FRMD5: variants seen among roughly 807,000 people sequenced by gnomAD.
FRMD5 encodes the protein FERM domain-containing protein 5.
Under a neutral mutation model 69.0 loss-of-function variants are expected in FRMD5, and 20 were observed. The observed-to-expected ratio is 0.29, with a 90% confidence interval of 0.20 to 0.42. FRMD5 has a LOEUF of 0.42. Among genes scored for constraint, FRMD5 ranks in the 10% least tolerant of loss-of-function variants. FRMD5 has a pLI of 1.00. For missense variants in FRMD5, 595 were observed against 708.6 expected (o/e 0.84, Z 1.82); for synonymous variants, 271 against 260.1 (o/e 1.04, Z -0.40).
chr15:44,071,698 C>G, intron 1 of FRMD5, among the ~76,000 whole-genome samples: 1 of 152,134 alleles, frequency 6.6e-6, no homozygotes, highest in African/African-American at 2.4e-5. Context: ...GGTTAATGTA[C>G]TCTTTTCCAT....
At chr15:43,921,637 G>C (rs556126305) in intron 2 of FRMD5, among the ~76,000 whole-genome samples, 2 of 152,300 alleles carry the variant, frequency 1.3e-5, no homozygotes, top group South Asian at 4.1e-4. Flanking sequence ...AGATTCACTA[G>C]CAAACAGACA....
intron 1 of FRMD5, among the ~76,000 whole-genome samples, chr15:44,161,530 T>C (rs1304623977): frequency 1.3e-5 from 2 of 152,216 alleles, no homozygotes; most frequent in East Asian, 1.9e-4. Flanking sequence ...TGCTTAACTA[T>C]TAAGGTTATG....
intron 1 of FRMD5, among the ~76,000 whole-genome samples, chr15:44,086,415 T>C (rs1894198241): frequency 6.6e-6 from 1 of 152,224 alleles, no homozygotes; most frequent in African/African-American, 2.4e-5. Flanking sequence ...TGATACAACA[T>C]GGATGAACCT....
At chr15:44,000,136 C>G (rs1047313649) in intron 1 of FRMD5, among the ~76,000 whole-genome samples, 5 of 151,548 alleles carry the variant, frequency 3.3e-5, no homozygotes, top group African/African-American at 1.2e-4. Context: ...GGACTATAGG[C>G]ATGCACCATG....
At chr15:43,960,591 T>G (rs571241629) in intron 1 of FRMD5, among the ~76,000 whole-genome samples, 7 of 151,360 alleles carry the variant, frequency 4.6e-5, no homozygotes, top group Non-Finnish European at 8.8e-5. Flanking sequence ...TCCATGTTGG[T>G]CAGGTTCGTC....
At chr15:44,176,138 C>T (rs1027508553) in intron 1 of FRMD5, among the ~76,000 whole-genome samples, 2 of 152,082 alleles carry the variant, frequency 1.3e-5, no homozygotes, top group African/African-American at 2.4e-5. Flanking sequence ...AAACCTACTA[C>T]AAAGTTATTA....
intron 1 of FRMD5, among the ~76,000 whole-genome samples, chr15:44,147,051 G>C (rs1032676413): frequency 6.6e-6 from 1 of 152,176 alleles, no homozygotes; most frequent in African/African-American, 2.4e-5. Context: ...TTTTTGTCAT[G>C]AAATCTTTGC....
At chr15:44,171,272 C>A (rs1042574655) in intron 1 of FRMD5, among the ~76,000 whole-genome samples, 13 of 152,156 alleles carry the variant, frequency 8.5e-5, no homozygotes, top group Non-Finnish European at 1.9e-4. Flanking sequence ...AATATGAAAG[C>A]TAAATTATAA....
At chr15:43,958,997 A>G (rs1406283267) in intron 1 of FRMD5, among the ~76,000 whole-genome samples, 2 of 152,216 alleles carry the variant, frequency 1.3e-5, no homozygotes, top group African/African-American at 4.8e-5. Flanking sequence ...TCTCTTATGC[A>G]TCCTCTGAAG....
In FRMD5 at chr15:44,143,981, C is replaced by A. The variant is rs79307185; in HGVS notation, c.102+50972G>T. ...ATTATCTTTCCCTGAAGCTCTATTT[C>A]TTGACTGTAAAAGAGAAACGTAAAT... On this transcript the variant is annotated intron_variant, in intron 1 of 13. Coordinates refer to ENST00000417257, the MANE Select transcript of FRMD5 (RefSeq NM_032892.5). Among the ~76,000 whole-genome samples the A allele has an allele frequency of 5.4e-5, 8 of 148,092 alleles. No individual in the cohort carries two copies. The South Asian group carries it at 1.7e-3, about 32-fold the overall frequency.
At chr15:44,190,966 A>G (rs1245563822) in intron 1 of FRMD5, among the ~76,000 whole-genome samples, 3 of 152,154 alleles carry the variant, frequency 2.0e-5, no homozygotes, top group African/African-American at 7.2e-5. Context: ...TCCCTCTCTC[A>G]CCCTAGCTAC....
Position 43,899,007 on chromosome 15 carries a change from C to T in FRMD5, c.639+3168G>A, listed in dbSNP as rs559049630. 6.3e-4 allele frequency among the ~76,000 whole-genome samples: 96 copies of T among 152,286 alleles called. 1 individual carries two copies. Among genetic ancestry groups the T allele is most frequent in the Admixed American group, 1.2e-3 (18 of 15,298 alleles). On this transcript the variant is annotated intron_variant, in intron 7 of 13. Transcript: ENST00000417257. ...CCAGGGGACAGAGCCTAAGCTAGAGCGTTGTTCTGCTCTCATTTAATTATC... is the reference window on the plus strand; with the variant it reads ...CCAGGGGACAGAGCCTAAGCTAGAGTGTTGTTCTGCTCTCATTTAATTATC...
At chr15:43,903,099 C>T (rs903659667) in intron 6 of FRMD5, among the ~76,000 whole-genome samples, 12 of 152,254 alleles carry the variant, frequency 7.9e-5, no homozygotes, top group Middle Eastern at 3.2e-3. Context: ...ATCACCCCTT[C>T]CCACTGCCTC....
At chr15:44,132,205 C>T (rs993548745) in intron 1 of FRMD5, among the ~76,000 whole-genome samples, 2 of 152,148 alleles carry the variant, frequency 1.3e-5, no homozygotes, top group Admixed American at 6.6e-5. Flanking sequence ...CAGGCGGTAA[C>T]GTGAACGATG....
At chr15:44,031,078 T>C (rs1177962966) in intron 1 of FRMD5, among the ~76,000 whole-genome samples, 1 of 152,142 alleles carries the variant, frequency 6.6e-6, no homozygotes. Flanking sequence ...TCACATGCTC[T>C]ACAACCCTAG....
At chr15:43,984,004 T>C (rs982819986) in intron 1 of FRMD5, among the ~76,000 whole-genome samples, 1 of 152,246 alleles carries the variant, frequency 6.6e-6, no homozygotes, top group Non-Finnish European at 1.5e-5. Flanking sequence ...TGCTGTTGCC[T>C]GTGACAGGTG....
chr15:43,985,828 G>T (rs985452503), intron 1 of FRMD5, among the ~76,000 whole-genome samples: 2 of 152,206 alleles, frequency 1.3e-5, no homozygotes, highest in South Asian at 2.1e-4. Flanking sequence ...AGAGAGGAAA[G>T]ATCAAAGGTA....
chr15:43,971,404 C>A (rs1483232568), intron 1 of FRMD5, among the ~76,000 whole-genome samples: 1 of 151,158 alleles, frequency 6.6e-6, no homozygotes, highest in Non-Finnish European at 1.5e-5. Context: ...TTCTTTTGTT[C>A]AAAAAAATTT....
chr15:44,185,982 A>C (rs945356501), intron 1 of FRMD5, among the ~76,000 whole-genome samples: 1 of 152,102 alleles, frequency 6.6e-6, no homozygotes, highest in African/African-American at 2.4e-5. Context: ...GCTGGAGTGC[A>C]ATGGCGTGAT....
Sources: allele counts gnomAD v4.1 joint callset (sites outside exome capture counted in the v4.1 genomes callset), GRCh38; gene constraint gnomAD v4.1.1; transcripts MANE v1.5; gene names NCBI Gene and HGNC (gene_info 2026-07-23, HGNC 2026-07-21).